Variants in KLHL26 observed in about 807,000 individuals in gnomAD.
The protein encoded by KLHL26 is kelch-like protein 26.
In KLHL26, 4 loss-of-function variants were observed where a neutral mutation model predicts 7.1. The ratio of observed to expected loss-of-function variants is 0.56; its 90% CI spans 0.28 to 1.28. KLHL26 has a LOEUF of 1.28. KLHL26 is among the 50% of genes most tolerant of loss of function. KLHL26 has a pLI of 0.11. For synonymous variants in KLHL26, 465 were observed against 414.1 expected (o/e 1.12, Z -1.49); for missense variants, 896 against 924.6 (o/e 0.97, Z 0.40).
rs190472630 is a variant in KLHL26 at position 18,656,613 on chromosome 19, C to T, written c.84-7648C>T. ...GGAAGGGGAAGGCCAGGGCCTCCTT[C>T]GCAGGGGTCAGAGGGCATCCATGCA... is the stretch of plus-strand genomic sequence containing the variant. On this transcript the variant is annotated intron_variant, in intron 1 of 2. Coordinates refer to ENST00000300976, the MANE Select transcript of KLHL26 (RefSeq NM_018316.3). The surrounding 1 kb of genome is among the most constrained non-coding windows in gnomAD (Gnocchi z 4.4). 9.0e-4 allele frequency among the ~76,000 whole-genome samples: 137 copies of T among 152,186 alleles called. No homozygotes were observed. Among genetic ancestry groups the T allele is most frequent in the East Asian group, 2.9e-3 (15 of 5,166 alleles).
At chr19:18,662,931 CAG>C (rs2052406319) in intron 1 of KLHL26, among the ~76,000 whole-genome samples, 1 of 152,126 alleles carries the variant, frequency 6.6e-6, no homozygotes, top group Non-Finnish European at 1.5e-5. Flanking sequence ...GCCAGAGTCT[CAG>C]GGTGCACCTG....
rs554847011 is a variant in KLHL26 at position 18,649,287 on chromosome 19, G to A, written c.83+12150G>A. Among the ~76,000 whole-genome samples, 4 of 152,282 alleles carry A rather than the reference G, an allele frequency of 2.6e-5. No individual in the cohort carries two copies. Among genetic ancestry groups the A allele is most frequent in the South Asian group, 4.1e-4 (2 of 4,820 alleles). On this transcript the variant is annotated intron_variant, in intron 1 of 2. Coordinates refer to ENST00000300976, the MANE Select transcript of KLHL26 (RefSeq NM_018316.3). The surrounding 1 kb of genome is among the most constrained non-coding windows in gnomAD (Gnocchi z 4.0). ...CTGGCGCTGGCACAGCTACTGGCAC[G>A]GGATGGATGCTTTTGAGTGTAGATC...
At chr19:18,658,733 C>T (rs2052360958) in intron 1 of KLHL26, among the ~76,000 whole-genome samples, 1 of 151,126 alleles carries the variant, frequency 6.6e-6, no homozygotes, top group Non-Finnish European at 1.5e-5. Flanking sequence ...CTCCATCTCC[C>T]TCTCTCTGGG....
rs772097133 is a variant in KLHL26, at chr19:18,668,273, C to T, written c.876C>T (p.Phe292=). 6.2e-6 allele frequency: 10 copies of T among 1,611,984 alleles called. No homozygotes were observed. The highest frequency in any genetic ancestry group is 7.6e-6 in the Non-Finnish European group (9 of 1,179,826). Reference sequence around the variant, plus strand: ...CCTTCAACTACCAGGTGCTGCCCTTCCGGCAGCACGAGATGCAGTCTCCGC... The same window carrying T: ...CCTTCAACTACCAGGTGCTGCCCTTTCGGCAGCACGAGATGCAGTCTCCGC... ...LEAFNYQVLP[F]RQHEMQSPRT... is the part of the protein sequence containing the mutation. The change falls in exon 3 of 3, where the codon TTC becomes TTT. Residue 292 remains phenylalanine (F), a synonymous_variant. Coordinates refer to ENST00000300976, the MANE Select transcript of KLHL26 (RefSeq NM_018316.3).
At position 18,647,719 on chromosome 19, in the gene KLHL26, G is replaced by C. The variant is rs566827385; in HGVS notation, c.83+10582G>C. 6.4e-4 allele frequency among the ~76,000 whole-genome samples: 97 copies of C among 152,230 alleles called. 2 individuals carry two copies. The highest frequency in any genetic ancestry group is 1.2e-4 in the Non-Finnish European group (8 of 68,002). On this transcript the variant is annotated intron_variant, in intron 1 of 2. Transcript: ENST00000300976. ...GAGGAGGATGAGGGGGAAGGACACA[G>C]ATAGAAATAATTCAGCGACTTGGGG...
At chr19:18,663,463 A>G (rs746027408) in intron 1 of KLHL26, among the ~76,000 whole-genome samples, 3 of 151,988 alleles carry the variant, frequency 2.0e-5, no homozygotes, top group Non-Finnish European at 2.9e-5. Context: ...GGGGCCAAGG[A>G]GCCTTCCGTC....
Position 18,666,368 on chromosome 19 carries a change from C to T in KLHL26, c.267-1296C>T, listed in dbSNP as rs181795014. ...TGCACAAGGGATGTTCCCTCCTCCTCGGACGGCCATCAGGGGAGGTGCACT... is the reference window on the plus strand; with the variant it reads ...TGCACAAGGGATGTTCCCTCCTCCTTGGACGGCCATCAGGGGAGGTGCACT... On this transcript the variant is annotated intron_variant, in intron 2 of 2. Transcript: ENST00000300976. Among the ~76,000 whole-genome samples the T allele has an allele frequency of 1.2e-3, 185 of 152,306 alleles. 1 individual carries two copies. The highest frequency in any genetic ancestry group is 6.8e-3 in the Middle Eastern group (2 of 294).
chr19:18,642,135 G>C (rs1212644607), intron 1 of KLHL26, among the ~76,000 whole-genome samples: 1 of 152,152 alleles, frequency 6.6e-6, no homozygotes, highest in Non-Finnish European at 1.5e-5. Flanking sequence ...TTGAGACATT[G>C]AGTCTTTGTA....
chr19:18,661,853 G>A (rs986372769), intron 1 of KLHL26, among the ~76,000 whole-genome samples: 2 of 151,726 alleles, frequency 1.3e-5, no homozygotes, highest in Non-Finnish European at 2.9e-5. Flanking sequence ...CTTCTAGCCA[G>A]CTCTGCTTGC....
intron 1 of KLHL26, among the ~76,000 whole-genome samples, chr19:18,653,950 CCCACCCACCCATCCAT>C (rs1400198824): frequency 9.9e-6 from 1 of 100,724 alleles, no homozygotes; most frequent in Non-Finnish European, 2.0e-5. Flanking sequence ...CACCTGTCCA[CCCACCCACCCATCCAT>C]CCACCCATCC....
chr19:18,644,362 A>G (rs1466880413), intron 1 of KLHL26, among the ~76,000 whole-genome samples: 3 of 152,228 alleles, frequency 2.0e-5, no homozygotes, highest in Non-Finnish European at 2.9e-5. Flanking sequence ...TGCTATGAAC[A>G]TGAGTGTACA....
intron 1 of KLHL26, among the ~76,000 whole-genome samples, chr19:18,662,702 G>T (rs913128180): frequency 7.9e-5 from 12 of 152,158 alleles, no homozygotes; most frequent in East Asian, 3.9e-4. Flanking sequence ...GGACCCCTGT[G>T]GGGGGCTGGA....
Position 18,670,550 on chromosome 19 carries a change from A to AT in KLHL26, c.*1307dup, listed in dbSNP as rs2052517428. 2 of 152,072 alleles carry AT rather than the reference A, an allele frequency of 1.3e-5. No individual in the cohort carries two copies. Among genetic ancestry groups the AT allele is most frequent in the Non-Finnish European group, 2.9e-5 (2 of 68,028 alleles). The allele number at this position is 152,072 out of a possible 1,614,324, so 9.4% of individuals were successfully genotyped here. A position where few individuals can be genotyped will look rare whatever the true frequency, so the allele number is the denominator to read the frequency against. ...GCGGCTTGGGTCTGATTGGTCACAGATTCCTCGTGTGTCCTCCGCGTGTCT... is the reference window on the plus strand; with the variant it reads ...GCGGCTTGGGTCTGATTGGTCACAGATTTCCTCGTGTGTCCTCCGCGTGTCT... On this transcript the variant is annotated 3_prime_UTR_variant, in exon 3 of 3. Coordinates refer to ENST00000300976, the MANE Select transcript of KLHL26 (RefSeq NM_018316.3).
chr19:18,658,864 C>T lies in KLHL26; in HGVS notation c.84-5397C>T, dbSNP rs151328822. Among the ~76,000 whole-genome samples the T allele has an allele frequency of 2.5e-3, 381 of 151,028 alleles. 1 individual carries two copies. The highest frequency in any genetic ancestry group is 8.8e-3 in the African/African-American group (361 of 41,078). On this transcript the variant is annotated intron_variant, in intron 1 of 2. Coordinates refer to ENST00000300976, the MANE Select transcript of KLHL26 (RefSeq NM_018316.3). ...TTTCTCTGGGTCTCTGTCTCCCTCT[C>T]TCCCTGGGTCTCTGTCTCCCTCTCT... is the stretch of plus-strand genomic sequence containing the variant.
chr19:18,643,766 C>T (rs1368874075), intron 1 of KLHL26, among the ~76,000 whole-genome samples: 3 of 152,062 alleles, frequency 2.0e-5, no homozygotes, highest in African/African-American at 7.2e-5. Context: ...GCATGAGCCA[C>T]TGTGTCCGGC....
In KLHL26 at chr19:18,637,035, C is replaced by A; in HGVS notation, c.-20C>A. The A allele has an allele frequency of 7.6e-7, 1 of 1,310,152 alleles. No individual in the cohort carries two copies. The highest frequency in any genetic ancestry group is 3.9e-5 in the Admixed American group (1 of 25,678). The allele number at this position is 1,310,152 out of a possible 1,614,324, so 81.2% of individuals were successfully genotyped here. ...GCGCGCGCGGCTCCCGTCACTCGAA[C>A]GCGCGACGGCGGGGGGAAGATGGCG... On this transcript the variant is annotated 5_prime_UTR_variant, in exon 1 of 3. Coordinates refer to ENST00000300976, the MANE Select transcript of KLHL26 (RefSeq NM_018316.3).
intron 1 of KLHL26, among the ~76,000 whole-genome samples, chr19:18,641,162 G>A (rs531676152): frequency 2.0e-5 from 3 of 152,026 alleles, no homozygotes; most frequent in Admixed American, 1.3e-4. Context: ...GGGATTACAG[G>A]TGTGCACACC....
chr19:18,645,389 A>T (rs1371439289), intron 1 of KLHL26, among the ~76,000 whole-genome samples: 1 of 152,144 alleles, frequency 6.6e-6, no homozygotes, highest in African/African-American at 2.4e-5. Flanking sequence ...GGCCTTTGGC[A>T]TCCACGCTTT....
At position 18,668,590 on chromosome 19, in the gene KLHL26, C is replaced by T; in HGVS notation, c.1193C>T (p.Ala398Val). 2 of 1,590,152 alleles carry T rather than the reference C, an allele frequency of 1.3e-6. No homozygotes were observed. Among genetic ancestry groups the T allele is most frequent in the Non-Finnish European group, 8.5e-7 (1 of 1,173,660 alleles). The change falls in exon 3 of 3, where the codon GCC becomes GTC. Residue 398 changes from alanine to valine, a missense_variant. Coordinates refer to ENST00000300976, the MANE Select transcript of KLHL26 (RefSeq NM_018316.3). Reference sequence around the variant, plus strand: ...CTGAATCGCTGGCTGCGCCTGCAGGCCATGCAGGAAAGCCGCATCCAGTTC... The same window carrying T: ...CTGAATCGCTGGCTGCGCCTGCAGGTCATGCAGGAAAGCCGCATCCAGTTC... Reference protein sequence around the residue: ...PHLNRWLRLQAMQESRIQFQL... With the variant: ...PHLNRWLRLQVMQESRIQFQL...
Sources: gnomAD v4.1 joint callset for allele counts (sites outside exome capture counted in the v4.1 genomes callset) on GRCh38, gnomAD v4.1.1 for gene constraint, Gnocchi (gnomAD v3.1) non-coding constraint, MANE v1.5 for transcripts, NCBI Gene and HGNC (gene_info 2026-07-23, HGNC 2026-07-21) for gene names.